CDH23: variants seen among roughly 807,000 people sequenced by gnomAD.
The protein encoded by CDH23 is cadherin related 23.
In CDH23, 189 loss-of-function variants were observed where a neutral mutation model predicts 317.1. The ratio of observed to expected loss-of-function variants is 0.60; its 90% CI spans 0.53 to 0.67. CDH23 has a LOEUF of 0.67. CDH23 is among the 30% of genes least tolerant of loss of function. The pLI, the probability that CDH23 is intolerant of heterozygous loss-of-function variation, is 0.00. For missense variants in CDH23, 4,401 were observed against 4,592.4 expected, an observed-to-expected ratio of 0.96 and a Z score of 1.20; for synonymous variants, 1,839 against 1,876.8, an observed-to-expected ratio of 0.98 and a Z score of 0.52.
intron 3 of CDH23, among the ~76,000 whole-genome samples, chr10:71,480,866 G>A (rs1852031637): frequency 6.6e-6 from 1 of 152,152 alleles, no homozygotes; most frequent in South Asian, 2.1e-4. Flanking sequence ...GGAATGATAT[G>A]AGGGAGATGG....
intron 11 of CDH23, among the ~76,000 whole-genome samples, chr10:71,618,037 AC>A (rs1027463267): frequency 3.3e-5 from 5 of 152,054 alleles, no homozygotes; most frequent in Admixed American, 6.6e-5. Context: ...ATTTTCACAC[AC>A]CCTGATGGAT....
chr10:71,575,044 G>C (rs778145671), intron 8 of CDH23, among the ~76,000 whole-genome samples: 2 of 152,146 alleles, frequency 1.3e-5, no homozygotes, highest in East Asian at 1.9e-4. Context: ...AGGAAAGAGA[G>C]AGAGGGGGAA....
intron 1 of CDH23, among the ~76,000 whole-genome samples, chr10:71,401,352 C>G (rs1847773972): frequency 6.6e-6 from 1 of 152,204 alleles, no homozygotes; most frequent in Non-Finnish European, 1.5e-5. Context: ...CTGAGCTCCT[C>G]CAGGGCACAG....
At chr10:71,709,270 C>T in intron 27 of CDH23, 59 bp downstream of exon 27, 2 of 1,489,948 alleles carry the variant, frequency 1.3e-6, no homozygotes, top group Admixed American at 3.4e-5. Context: ...ACACAGGGTG[C>T]CTCCCAGGAG....
intron 55 of CDH23, among the ~76,000 whole-genome samples, chr10:71,805,283 C>A (rs1418854384): frequency 6.6e-6 from 1 of 152,164 alleles, no homozygotes; most frequent in African/African-American, 2.4e-5. Flanking sequence ...ACAGACTAGA[C>A]CCTGATGGCC....
chr10:71,459,506 G>A (rs1411447060), intron 3 of CDH23, among the ~76,000 whole-genome samples: 1 of 152,206 alleles, frequency 6.6e-6, no homozygotes, highest in Non-Finnish European at 1.5e-5. Context: ...AGCAGCTCGG[G>A]GACAGGAATG....
In CDH23 at chr10:71,702,010, C is replaced by T; in HGVS notation, c.2398-12C>T. ...CGCGGCTCAGTGAAGGGGTCTGCTC[C>T]CTCCCGGGCAGGTGGTGGCTGTTGA... On this transcript the variant is annotated splice_polypyrimidine_tract_variant and intron_variant, in intron 22 of 69. Transcript: ENST00000224721. 1 of 1,613,340 alleles carries T rather than the reference C, an allele frequency of 6.2e-7. No individual in the cohort carries two copies. The highest frequency in any genetic ancestry group is 8.5e-7 in the Non-Finnish European group (1 of 1,179,822).
intron 31 of CDH23, 77 bp from the exon 32 acceptor site, chr10:71,731,910 T>G (rs1589382312): frequency 6.7e-7 from 1 of 1,491,752 alleles, no homozygotes; most frequent in South Asian, 1.3e-5. Context: ...GGGGTATGGG[T>G]GTGGCAGCTT....
intron 47 of CDH23, among the ~76,000 whole-genome samples, chr10:71,792,571 TC>T (rs1437141961): frequency 6.6e-6 from 1 of 151,928 alleles, no homozygotes; most frequent in Non-Finnish European, 1.5e-5. Context: ...ACGCCTGTAA[TC>T]CCAGCAATTT....
At chr10:71,812,723 T>C (rs1841983121) in intron 67 of CDH23, 45 bp from the exon 68 acceptor site, 1 of 1,612,654 alleles carries the variant, frequency 6.2e-7, no homozygotes, top group Non-Finnish European at 8.5e-7. Context: ...CTTGTACATG[T>C]GTGTGGGGTC....
At chr10:71,699,579 T>C (rs1158132612) in intron 22 of CDH23, among the ~76,000 whole-genome samples, 1 of 152,120 alleles carries the variant, frequency 6.6e-6, no homozygotes, top group East Asian at 1.9e-4. Flanking sequence ...GCAAGGGAGA[T>C]TTTGGTCCCA....
chr10:71,705,168 T>A, intron 25 of CDH23, 38 bp downstream of exon 25: 1 of 1,557,094 alleles, frequency 6.4e-7, no homozygotes, highest in Non-Finnish European at 8.8e-7. Flanking sequence ...GTGCTCAGTG[T>A]GTGGGCACAG....
chr10:71,581,908 C>T (rs1419518264), intron 9 of CDH23, among the ~76,000 whole-genome samples: 2 of 152,224 alleles, frequency 1.3e-5, no homozygotes, highest in Non-Finnish European at 2.9e-5. Flanking sequence ...ACCCCCCCAA[C>T]AGAGCACTGA....
intron 6 of CDH23, among the ~76,000 whole-genome samples, chr10:71,564,397 G>A (rs1857286455): frequency 6.6e-6 from 1 of 152,200 alleles, no homozygotes; most frequent in South Asian, 2.1e-4. Flanking sequence ...TATATGAATG[G>A]CTCCTTGCCA....
intron 3 of CDH23, among the ~76,000 whole-genome samples, chr10:71,453,552 T>C (rs7894904): frequency 0.35 from 52,800 of 152,194 alleles, 11,215 homozygotes; most frequent in East Asian, 0.48. Context: ...CTGGGAGGCA[T>C]TGGGGACTTT....
intron 36 of CDH23, among the ~76,000 whole-genome samples, chr10:71,739,991 A>G (rs550206441): frequency 1.3e-5 from 2 of 152,308 alleles, no homozygotes; most frequent in South Asian, 2.1e-4. Flanking sequence ...GATACCCAGG[A>G]GGAGGTAGTT....
chr10:71,452,481 A>G (rs1222041879), intron 3 of CDH23, among the ~76,000 whole-genome samples: 2 of 152,026 alleles, frequency 1.3e-5, no homozygotes, highest in Non-Finnish European at 2.9e-5. Flanking sequence ...GCCCTCAACC[A>G]TGCTGTTTCC....
rs778267394 is a variant in CDH23, at chr10:71,687,734, C to T, written c.2059+15C>T. 1.5e-5 allele frequency: 24 copies of T among 1,610,734 alleles called. No homozygotes were observed. Among genetic ancestry groups the T allele is most frequent in the South Asian group, 9.9e-5 (9 of 90,850 alleles). Reference sequence around the variant, plus strand: ...CATCATGGCAGGTACAGGCTCAGGTCGGGGGGTGGGGGGCACATGGAGGTA... The same window carrying T: ...CATCATGGCAGGTACAGGCTCAGGTTGGGGGGTGGGGGGCACATGGAGGTA... On this transcript the variant is annotated intron_variant, in intron 19 of 69. Transcript: ENST00000224721.
At chr10:71,559,984 T>G (rs2132338242) in intron 6 of CDH23, among the ~76,000 whole-genome samples, 1 of 152,340 alleles carries the variant, frequency 6.6e-6, no homozygotes, top group Non-Finnish European at 1.5e-5. Flanking sequence ...CCCCTCCTGC[T>G]TCTCTCCCCT....
Sources: allele counts gnomAD v4.1 joint callset (sites outside exome capture counted in the v4.1 genomes callset), GRCh38; gene constraint gnomAD v4.1.1; transcripts MANE v1.5; gene names NCBI Gene and HGNC (gene_info 2026-07-23, HGNC 2026-07-21).